Variants in TAF1A observed in about 807,000 individuals in gnomAD.
The protein encoded by TAF1A is TATA box-binding protein-associated factor RNA polymerase I subunit A.
A neutral mutation model predicts 61.6 loss-of-function variants in TAF1A; 42 were observed. The ratio of observed to expected loss-of-function variants is 0.68; its 90% confidence interval spans 0.53 to 0.88. The LOEUF (loss-of-function observed/expected upper bound fraction) is 0.88, where lower values mean the gene tolerates loss of function less well. TAF1A is among the 40% of genes least tolerant of loss of function. The pLI, the probability that TAF1A is intolerant of heterozygous loss-of-function variation, is 0.00. For synonymous variants in TAF1A, 179 were observed against 177.7 expected, an observed-to-expected ratio of 1.01 and a Z score of -0.06; for missense variants, 424 against 518.7, an observed-to-expected ratio of 0.82 and a Z score of 1.77.
chr1:222,569,476 AC>A (rs1490917429), intron 7 of TAF1A, 33 bp downstream of exon 7: 2 of 1,613,480 alleles, frequency 1.2e-6, no homozygotes, highest in Admixed American at 1.7e-5. Flanking sequence ...TAGATTCCCA[AC>A]CCTGGTCAAA....
chr1:222,576,689 T>C (rs1174384858), intron 5 of TAF1A, among the ~76,000 whole-genome samples: 1 of 152,164 alleles, frequency 6.6e-6, no homozygotes, highest in Non-Finnish European at 1.5e-5. Flanking sequence ...TACACAAAAA[T>C]GAAATGACCA....
At chr1:222,569,232 T>C (rs1660242785) in intron 7 of TAF1A, 2 of 1,242,216 alleles carry the variant, frequency 1.6e-6, no homozygotes, top group South Asian at 1.9e-5. Context: ...TAAATTTCAA[T>C]AAAGTTGATT....
intron 3 of TAF1A, 66 bp from the exon 4 acceptor site, chr1:222,579,938 T>C (rs1248000830): frequency 6.5e-7 from 1 of 1,548,524 alleles, no homozygotes; most frequent in Non-Finnish European, 8.7e-7. Context: ...GTCTAAGATA[T>C]TGTTTTCCTG....
At chr1:222,574,619 G>A (rs1181002277) in intron 5 of TAF1A, among the ~76,000 whole-genome samples, 4 of 151,978 alleles carry the variant, frequency 2.6e-5, no homozygotes, top group African/African-American at 9.7e-5. Flanking sequence ...GGAATAGTGT[G>A]ACTATCATAA....
chr1:222,581,261 GACA>G (rs1255927840), intron 3 of TAF1A, among the ~76,000 whole-genome samples: 2 of 152,158 alleles, frequency 1.3e-5, no homozygotes, highest in South Asian at 2.1e-4. Flanking sequence ...ACAAAATCTG[GACA>G]ACAAGAGGCT....
Position 222,558,743 on chromosome 1 carries a change from G to T in TAF1A, c.1270C>A (p.Gln424Lys). Residue 424 changes from glutamine (Q) to lysine (K), a missense_variant, in exon 11 of 11, where the codon CAA (glutamine) becomes AAA (lysine). Gln to Lys is a moderately conservative substitution (Grantham distance 53). Transcript: ENST00000352967. ...GCRYFRYILK[Q>K]DHQILGKKIK... ...TTCTTCCCTAAGATTTGGTGATCTT[G>T]CTTTAAAATATACCGGAAATATCTA... 1 of 1,546,652 alleles carries T rather than the reference G, an allele frequency of 6.5e-7. No homozygotes were observed. The highest frequency in any genetic ancestry group is 8.8e-7 in the Non-Finnish European group (1 of 1,141,978).
chr1:222,584,110 A>T lies in TAF1A; in HGVS notation c.291+18T>A. 1 of 1,602,308 alleles carries T rather than the reference A, an allele frequency of 6.2e-7. No individual in the cohort carries two copies. The highest frequency in any genetic ancestry group is 8.5e-7 in the Non-Finnish European group (1 of 1,177,136). ...TGGGAATCTATCATTTCTTCCAGCA[A>T]ACTCAAATTTTATTTACCTCAGGTG... On this transcript the variant is annotated intron_variant, in intron 3 of 10. Transcript: ENST00000352967.
chr1:222,566,635 G>A (rs1020645981), intron 7 of TAF1A, among the ~76,000 whole-genome samples: 6 of 152,122 alleles, frequency 3.9e-5, no homozygotes, highest in African/African-American at 1.4e-4. Context: ...GGGCTCCTAT[G>A]AGAATCTAAT....
At chr1:222,559,296 C>T (rs117540273) in intron 10 of TAF1A, among the ~76,000 whole-genome samples, 35 of 152,296 alleles carry the variant, frequency 2.3e-4, no homozygotes, top group African/African-American at 7.5e-4. Context: ...AGGTTAGAAA[C>T]GGTCAAACAT....
intron 5 of TAF1A, among the ~76,000 whole-genome samples, chr1:222,575,612 A>C (rs1409517030): frequency 1.3e-5 from 2 of 152,186 alleles, no homozygotes; most frequent in Non-Finnish European, 1.5e-5. Flanking sequence ...ATCAATCCCA[A>C]CCAAGACAGA....
chr1:222,588,943 T>C (rs1214242585), intron 1 of TAF1A, among the ~76,000 whole-genome samples: 3 of 152,220 alleles, frequency 2.0e-5, no homozygotes, highest in African/African-American at 7.2e-5. Flanking sequence ...ACTAGAAGTA[T>C]AAATTATCTA....
chr1:222,572,313 T>C (rs1160064762), intron 5 of TAF1A, among the ~76,000 whole-genome samples: 1 of 152,102 alleles, frequency 6.6e-6, no homozygotes, highest in African/African-American at 2.4e-5. Context: ...ATGGAAGATT[T>C]AGAGTCCAGA....
chr1:222,569,430 A>G (rs1330524060), intron 7 of TAF1A, 80 bp downstream of exon 7: 4 of 1,611,326 alleles, frequency 2.5e-6, no homozygotes, highest in Middle Eastern at 1.7e-4. Context: ...AGATGCTATA[A>G]AAGTTAGAAA....
chr1:222,554,647 A>G (rs1354899870), downstream of TAF1A, among the ~76,000 whole-genome samples: 1 of 152,168 alleles, frequency 6.6e-6, no homozygotes, highest in African/African-American at 2.4e-5. Flanking sequence ...ACATAAAACA[A>G]TGTTTCTATT....
intron 4 of TAF1A, among the ~76,000 whole-genome samples, chr1:222,578,993 C>T (rs932521336): frequency 6.6e-6 from 1 of 152,166 alleles, no homozygotes; most frequent in Non-Finnish European, 1.5e-5. Flanking sequence ...TTCACACTCC[C>T]TCCCTAATTA....
At chr1:222,585,941 C>G (rs1660998003) in intron 2 of TAF1A, among the ~76,000 whole-genome samples, 3 of 151,956 alleles carry the variant, frequency 2.0e-5, no homozygotes, top group Admixed American at 2.0e-4. Context: ...TTATCTCTTG[C>G]AAATATTAAA....
At chr1:222,577,379 T>C in intron 5 of TAF1A, 66 bp downstream of exon 5, 1 of 1,314,294 alleles carries the variant, frequency 7.6e-7, no homozygotes, top group East Asian at 2.3e-5. Context: ...AATTACTAGA[T>C]TACTCCTTAA....
downstream of TAF1A, among the ~76,000 whole-genome samples, chr1:222,554,869 T>C (rs1468283046): frequency 2.0e-5 from 3 of 152,132 alleles, no homozygotes; most frequent in Non-Finnish European, 4.4e-5. Flanking sequence ...GTTGACAGCT[T>C]TACAGAGATG....
At chr1:222,587,778 G>A (rs2102685665) in intron 2 of TAF1A, among the ~76,000 whole-genome samples, 1 of 152,232 alleles carries the variant, frequency 6.6e-6, no homozygotes, top group Non-Finnish European at 1.5e-5. Context: ...TAGGCCGGGT[G>A]CAGTGGCTCA....
Sources: allele counts gnomAD v4.1 joint callset (sites outside exome capture counted in the v4.1 genomes callset), GRCh38; gene constraint gnomAD v4.1.1; transcripts MANE v1.5; gene names NCBI Gene and HGNC (gene_info 2026-07-23, HGNC 2026-07-21).